DMD: variants seen among roughly 807,000 people sequenced by gnomAD.
DMD encodes dystrophin, also known as mutant dystrophin.
In DMD, 63 loss-of-function variants were observed where a neutral mutation model predicts 330.1. The observed-to-expected ratio is 0.19, with a 90% CI of 0.16 to 0.24. The LOEUF (loss-of-function observed/expected upper bound fraction) is 0.24, where lower values mean the gene tolerates loss of function less well. Among genes scored for constraint, DMD ranks in the 10% least tolerant of loss-of-function variants. The pLI is 1.00. For synonymous variants in DMD, 1,223 were observed against 959.8 expected (o/e 1.27, Z -5.07); for missense variants, 3,344 against 2,684.1 (o/e 1.25, Z -5.43).
intron 17 of DMD, among the ~76,000 whole-genome samples, chrX:32,543,372 C>G (rs1358033020): frequency 9.1e-6 from 1 of 110,070 alleles, no homozygotes; most frequent in East Asian, 2.9e-4. Context: ...CAAACAGGAG[C>G]CAATAATAAG....
In DMD at chrX:32,592,028, T is replaced by C. The variant is rs770302021; in HGVS notation, c.1602+3729A>G. 8.4e-4 allele frequency among the ~76,000 whole-genome samples: 94 copies of C among 111,907 alleles called. 1 individual carries two copies. The highest frequency in any genetic ancestry group is 8.5e-4 in the Non-Finnish European group (45 of 53,073). On this transcript the variant is annotated intron_variant, in intron 13 of 78. Transcript: ENST00000357033. ...TCTGGACTTTGGGCACTGATGAGCA[T>C]GGGAGAGAGGCTGAGTGGGGACTGA...
chrX:31,580,375 C>T (rs966020290), intron 55 of DMD, among the ~76,000 whole-genome samples: 3 of 111,706 alleles, frequency 2.7e-5, no homozygotes, highest in African/African-American at 9.8e-5. Flanking sequence ...GGCTGGTTAG[C>T]CTGCTGGAGG....
intron 7 of DMD, among the ~76,000 whole-genome samples, chrX:32,750,064 T>C (rs758995432): frequency 9.8e-5 from 11 of 112,342 alleles, no homozygotes; most frequent in Non-Finnish European, 1.9e-4. Context: ...CCATGAAACC[T>C]AGTACATTTC....
At chrX:31,970,223 G>A (rs893493460) in intron 44 of DMD, among the ~76,000 whole-genome samples, 1 of 110,415 alleles carries the variant, frequency 9.1e-6, no homozygotes, top group Non-Finnish European at 1.9e-5. Flanking sequence ...GGGAAGAAGC[G>A]GAGGGAGGAA....
chrX:31,743,537 C>A (rs776635542), intron 51 of DMD, among the ~76,000 whole-genome samples: 5 of 112,043 alleles, frequency 4.5e-5, no homozygotes, highest in Non-Finnish European at 9.4e-5. Context: ...AAAATCATGT[C>A]CTTTGCAGCA....
At chrX:33,105,703 C>A (rs1315787120) in intron 1 of DMD, among the ~76,000 whole-genome samples, 1 of 111,826 alleles carries the variant, frequency 8.9e-6, no homozygotes, top group East Asian at 2.8e-4. Context: ...CAGGGGAATG[C>A]AAATTAAAAC....
chrX:31,803,287 C>T (rs1046048636), intron 50 of DMD, among the ~76,000 whole-genome samples: 3 of 112,180 alleles, frequency 2.7e-5, no homozygotes, highest in African/African-American at 9.7e-5. Context: ...ACAGGGCTGT[C>T]CACTGCAGCT....
At chrX:33,258,213 G>T (rs1317088858) in intron 1 of DMD, among the ~76,000 whole-genome samples, 1 of 111,221 alleles carries the variant, frequency 9.0e-6, no homozygotes, top group African/African-American at 3.2e-5. Flanking sequence ...CTATATTGTG[G>T]TAGTTTGAAC....
At chrX:33,060,515 CATTT>C (rs1376706279) in intron 1 of DMD, among the ~76,000 whole-genome samples, 2 of 111,372 alleles carry the variant, frequency 1.8e-5, no homozygotes, top group African/African-American at 6.5e-5. Flanking sequence ...CCCAGTAATT[CATTT>C]ATGAAAATGT....
intron 44 of DMD, among the ~76,000 whole-genome samples, chrX:32,082,968 C>G (rs1161076308): frequency 8.9e-6 from 1 of 111,761 alleles, no homozygotes; most frequent in Admixed American, 9.5e-5. Context: ...AGATCCAAAG[C>G]AAGGGTCATT....
intron 52 of DMD, among the ~76,000 whole-genome samples, chrX:31,724,132 G>A (rs866174530): frequency 9.8e-5 from 11 of 112,349 alleles, no homozygotes; most frequent in Middle Eastern, 4.6e-3. Context: ...GCTATAACAG[G>A]TTGACAGCAG....
intron 53 of DMD, among the ~76,000 whole-genome samples, chrX:31,673,514 G>A (rs1174029027): frequency 9.0e-6 from 1 of 110,991 alleles, no homozygotes; most frequent in Non-Finnish European, 1.9e-5. Context: ...TTGGGATGCT[G>A]AGAGACTCAC....
intron 1 of DMD, among the ~76,000 whole-genome samples, chrX:33,190,992 AT>A (rs2050593909): frequency 8.9e-4 from 2 of 2,243 alleles, no homozygotes; most frequent in African/African-American, 2.8e-3. Flanking sequence ...ATATATATAT[AT>A]AATATATAAT....
intron 55 of DMD, among the ~76,000 whole-genome samples, chrX:31,521,299 A>T (rs2072739506): frequency 9.1e-6 from 1 of 109,638 alleles, no homozygotes; most frequent in Non-Finnish European, 1.9e-5. Flanking sequence ...AGTAGCTGGG[A>T]TTACAGGCAC....
chrX:32,343,079 A>G lies in DMD; in HGVS notation c.5739+55T>C, dbSNP rs1014951829. 5.5e-6 allele frequency: 6 copies of G among 1,090,829 alleles called. No individual in the cohort carries two copies. The Admixed American group carries it at 1.3e-4, about 24-fold the overall frequency. The allele number at this position is 1,090,829 out of a possible 1,213,427, so 89.9% of individuals were successfully genotyped here. On this transcript the variant is annotated intron_variant, in intron 40 of 78. Coordinates refer to ENST00000357033, the MANE Select transcript of DMD (RefSeq NM_004006.3). ...TCAACATTTTAAATATGATCTTCAC[A>G]GGTTAATTAAACTGTATAATAAAAT...
chrX:31,861,341 GA>G (rs2093693830), intron 48 of DMD, among the ~76,000 whole-genome samples: 2 of 110,830 alleles, frequency 1.8e-5, no homozygotes, highest in African/African-American at 6.6e-5. Flanking sequence ...TCCTAATACT[GA>G]CGAGATGTTC....
At chrX:32,133,255 C>T (rs1036622393) in intron 44 of DMD, among the ~76,000 whole-genome samples, 9 of 109,940 alleles carry the variant, frequency 8.2e-5, no homozygotes, top group Non-Finnish European at 1.5e-4. Flanking sequence ...ATCTGCCCGC[C>T]TCGGCCTCCC....
chrX:32,386,243 T>C lies in DMD; in HGVS notation c.4674+67A>G, dbSNP rs2097957571. 4.4e-6 allele frequency: 5 copies of C among 1,142,710 alleles called. No individual in the cohort carries two copies. The Admixed American group carries it at 1.1e-4, about 25-fold the overall frequency. The allele number at this position is 1,142,710 out of a possible 1,213,427, so 94.2% of individuals were successfully genotyped here. ...TAAGACTCTAATCATACATAATTTA[T>C]TGCCCGTTGCTTTACAATTTATAAG... On this transcript the variant is annotated intron_variant, in intron 33 of 78. Coordinates refer to ENST00000357033, the MANE Select transcript of DMD (RefSeq NM_004006.3).
intron 1 of DMD, among the ~76,000 whole-genome samples, chrX:33,035,228 T>G (rs2094185094): frequency 8.9e-6 from 1 of 111,844 alleles, no homozygotes; most frequent in Admixed American, 9.5e-5. Flanking sequence ...CATGTTTATT[T>G]AAGAGATCTG....
Sources: gnomAD v4.1 joint callset for allele counts (sites outside exome capture counted in the v4.1 genomes callset) on GRCh38, gnomAD v4.1.1 for gene constraint, MANE v1.5 for transcripts, NCBI Gene and HGNC (gene_info 2026-07-23, HGNC 2026-07-21) for gene names.